CD36: variants seen among roughly 807,000 people sequenced by gnomAD.
CD36 encodes platelet glycoprotein 4.
In CD36, 119 loss-of-function variants were observed where a neutral mutation model predicts 55.2. The ratio of observed to expected loss-of-function variants is 2.15; its 90% confidence interval spans 1.86 to 2.51. CD36 has a LOEUF of 2.51. CD36 is among the 30% of genes most tolerant of loss of function. The pLI is 0.00. For missense variants in CD36, 819 were observed against 555.5 expected (o/e 1.47, Z -4.77); for synonymous variants, 186 against 193.6 (o/e 0.96, Z 0.33).
intron 10 of CD36, 47 bp downstream of exon 10, chr7:80,671,211 AT>A: frequency 8.0e-7 from 1 of 1,247,082 alleles, no homozygotes; most frequent in Non-Finnish European, 1.2e-6. Context: ...AATTTGTGAT[AT>A]TCTTTAAGAT....
At chr7:80,648,824 A>G (rs1795375407) in intron 3 of CD36, among the ~76,000 whole-genome samples, 1 of 152,110 alleles carries the variant, frequency 6.6e-6, no homozygotes, top group Non-Finnish European at 1.5e-5. Flanking sequence ...GTCTCAAATA[A>G]CTGCAGTAAC....
chr7:80,664,974 A>C (rs958680481), intron 7 of CD36, among the ~76,000 whole-genome samples: 2 of 152,056 alleles, frequency 1.3e-5, no homozygotes, highest in African/African-American at 2.4e-5. Context: ...GTCTATAAAG[A>C]TGGAAGCTTA....
intron 1 of CD36, among the ~76,000 whole-genome samples, chr7:80,641,232 ATGT>A (rs1794789375): frequency 6.6e-6 from 1 of 152,094 alleles, no homozygotes; most frequent in Non-Finnish European, 1.5e-5. Context: ...TAATGACCTT[ATGT>A]TGATGAAACA....
At chr7:80,670,587 G>A (rs1177484907) in intron 9 of CD36, 1 of 255,410 alleles carries the variant, frequency 3.9e-6, no homozygotes, top group Non-Finnish European at 7.6e-6. Flanking sequence ...AATGTACCAG[G>A]TATATATCCA....
At chr7:80,624,289 C>T (rs990607690) in intron 1 of CD36, 1 of 152,154 alleles carries the variant, frequency 6.6e-6, no homozygotes, top group African/African-American at 2.4e-5. Context: ...TTTGATCTGA[C>T]TTTTGCTTTG....
chr7:80,616,605 A>G (rs11971740), intron 1 of CD36, among the ~76,000 whole-genome samples: 21,888 of 152,092 alleles, frequency 0.14, 2,395 homozygotes, highest in East Asian at 0.34. Flanking sequence ...TTAAGTCTCC[A>G]GTTGTTATCA....
At chr7:80,609,199 C>T (rs993391386) in intron 1 of CD36, among the ~76,000 whole-genome samples, 9 of 152,156 alleles carry the variant, frequency 5.9e-5, no homozygotes, top group African/African-American at 2.2e-4. Context: ...CGTTTGTGGT[C>T]ATTTGTGGCC....
chr7:80,645,728 T>A (rs1256121953), intron 1 of CD36, among the ~76,000 whole-genome samples: 1 of 152,128 alleles, frequency 6.6e-6, no homozygotes, highest in African/African-American at 2.4e-5. Flanking sequence ...AGAATTAGCA[T>A]GAATCAACTG....
rs892984555 is a variant in CD36 at position 80,656,834 on chromosome 7, T to G, written c.281+134T>G. ...GCCAAAAATATACTTTAAAATATTT[T>G]TCCTGTCTGTATAGAATCCTAATCT... On this transcript the variant is annotated intron_variant, in intron 4 of 14. Transcript: ENST00000447544. 5.1e-6 allele frequency: 4 copies of G among 784,390 alleles called. No individual in the cohort carries two copies. The African/African-American group carries it at 7.0e-5, about 14-fold the overall frequency. The allele number at this position is 784,390 out of a possible 1,614,324, so 48.6% of individuals were successfully genotyped here.
At chr7:80,674,975 A>G (rs940184866) in intron 14 of CD36, among the ~76,000 whole-genome samples, 6 of 152,150 alleles carry the variant, frequency 3.9e-5, no homozygotes, top group South Asian at 2.1e-4. Context: ...CATCCATTCT[A>G]TCTTCTAGAG....
chr7:80,672,961 T>C, intron 12 of CD36, 118 bp downstream of exon 12: 1 of 730,508 alleles, frequency 1.4e-6, no homozygotes, highest in Non-Finnish European at 2.5e-6. Flanking sequence ...CAACTTATCT[T>C]TAGCTTAATG....
At chr7:80,645,727 A>G (rs1189712232) in intron 1 of CD36, among the ~76,000 whole-genome samples, 1 of 152,176 alleles carries the variant, frequency 6.6e-6, no homozygotes, top group East Asian at 1.9e-4. Context: ...CAGAATTAGC[A>G]TGAATCAACT....
intron 3 of CD36, among the ~76,000 whole-genome samples, chr7:80,648,094 T>C (rs933632580): frequency 4.6e-5 from 7 of 152,136 alleles, no homozygotes; most frequent in Admixed American, 2.0e-4. Context: ...AAAAAACATA[T>C]GTAAATTAGT....
Position 80,666,435 on chromosome 7 carries a change from A to C in CD36, c.702-8A>C, listed in dbSNP as rs934356369. ...GAATGTTTATTCATTGTCTTTTTCT[A>C]TTCCTAGGAATCTGTCCTATTGGGA... On this transcript the variant is annotated splice_polypyrimidine_tract_variant and splice_region_variant and intron_variant, in intron 7 of 14. Coordinates refer to ENST00000447544, the MANE Select transcript of CD36 (RefSeq NM_001001548.3). The C allele has an allele frequency of 1.3e-6, 2 of 1,577,090 alleles. No homozygotes were observed. Among genetic ancestry groups the C allele is most frequent in the East Asian group, 4.5e-5 (2 of 44,648 alleles).
chr7:80,617,844 C>T (rs1161897113), intron 1 of CD36, among the ~76,000 whole-genome samples: 3 of 151,996 alleles, frequency 2.0e-5, no homozygotes, highest in East Asian at 1.9e-4. Flanking sequence ...ATCTGTGCTG[C>T]GGTCTTCTAG....
In CD36 at chr7:80,673,360, T is replaced by A; in HGVS notation, c.1205T>A (p.Leu402Ter). ...LVKPSEKIQVLKNLKRNYIVP... is the reference protein window; with the variant it reads ...LVKPSEKIQV ...ATTTTCAACGTATATTACAGAGTAT[T>A]AAAGAATCTGAAGAGGAACTATATT... The change falls in exon 13 of 15, where the codon TTA (leucine) becomes TAA (stop). Residue 402 changes from leucine (L) to a stop codon, truncating the protein, a stop_gained. Transcript: ENST00000447544. LOFTEE classifies it high-confidence loss of function. The A allele has an allele frequency of 6.9e-7, 1 of 1,455,732 alleles. No homozygotes were observed. The highest frequency in any genetic ancestry group is 1.1e-5 in the South Asian group (1 of 87,232). The allele number at this position is 1,455,732 out of a possible 1,614,324, so 90.2% of individuals were successfully genotyped here.
upstream of CD36, chr7:80,638,435 G>A (rs1370109288): frequency 2.0e-5 from 3 of 150,724 alleles, no homozygotes; most frequent in African/African-American, 7.3e-5. Flanking sequence ...CTCAGATATA[G>A]GTAATGGGTC....
chr7:80,629,073 T>A (rs1793914235), intron 1 of CD36, among the ~76,000 whole-genome samples: 1 of 152,036 alleles, frequency 6.6e-6, no homozygotes, highest in South Asian at 2.1e-4. Context: ...GTCCCAAGAT[T>A]TATTCTCCCT....
At chr7:80,671,763 T>C (rs915678104) in intron 10 of CD36, among the ~76,000 whole-genome samples, 159 bp from the exon 11 acceptor site, 25 of 150,900 alleles carry the variant, frequency 1.7e-4, no homozygotes, top group Non-Finnish European at 2.9e-5. Context: ...ACTGAAGGAG[T>C]TTATAGTAGA....
Sources: gnomAD v4.1 joint callset for allele counts (sites outside exome capture counted in the v4.1 genomes callset) on GRCh38, gnomAD v4.1.1 for gene constraint, MANE v1.5 for transcripts, NCBI Gene and HGNC (gene_info 2026-07-23, HGNC 2026-07-21) for gene names.